The following OR10A2 variants were observed in gnomAD, a reference collection of about 807,000 sequenced individuals.
The protein encoded by OR10A2 is olfactory receptor family 10 subfamily A member 2.
In OR10A2, 15 loss-of-function variants were observed where a neutral mutation model predicts 13.7. The observed-to-expected ratio is 1.10, with a 90% confidence interval of 0.73 to 1.69. OR10A2 has a LOEUF of 1.69. Among genes scored for constraint, OR10A2 ranks in the 40% most tolerant of loss-of-function variants. The pLI, the probability that OR10A2 is intolerant of heterozygous loss-of-function variation, is 0.00. For missense variants in OR10A2, 343 were observed against 361.1 expected (o/e 0.95, Z 0.41); for synonymous variants, 145 against 144.7 (o/e 1.00, Z -0.02).
In OR10A2 at chr11:6,874,605, A is replaced by G. The variant is rs182857894; in HGVS notation, c.*3939A>G. 3 of 152,194 alleles carry G rather than the reference A, an allele frequency of 2.0e-5. No individual in the cohort carries two copies. The highest frequency in any genetic ancestry group is 4.4e-5 in the Non-Finnish European group (3 of 68,028). The allele number at this position is 152,194 out of a possible 1,614,324, so 9.4% of individuals were successfully genotyped here. A position where few individuals can be genotyped will look rare whatever the true frequency, so the allele number is the denominator to read the frequency against. ...TTGGACTCAGCCACCCAGGATTCCA[A>G]CACTTGCTGAAAAAACTACTCAACT... is the stretch of plus-strand genomic sequence containing the variant. On this transcript the variant is annotated 3_prime_UTR_variant, in exon 2 of 2. Transcript: ENST00000641461.
chr11:6,868,771 T>C (rs1338096971), intron 1 of OR10A2, among the ~76,000 whole-genome samples: 1 of 152,166 alleles, frequency 6.6e-6, no homozygotes, highest in African/African-American at 2.4e-5. Flanking sequence ...TCACCATTTC[T>C]CCACTAGACT....
At chr11:6,868,577 G>A (rs768582565) in intron 1 of OR10A2, among the ~76,000 whole-genome samples, 1 of 152,124 alleles carries the variant, frequency 6.6e-6, no homozygotes, top group Non-Finnish European at 1.5e-5. Context: ...GTCTATTAAT[G>A]TAATATATCC....
rs1848425103 is a variant in OR10A2, at chr11:6,870,740, T to C, written c.*74T>C. The C allele has an allele frequency of 8.4e-7, 1 of 1,185,024 alleles. No individual in the cohort carries two copies. The highest frequency in any genetic ancestry group is 1.2e-6 in the Non-Finnish European group (1 of 836,966). 73.4% of individuals were successfully genotyped at this position (1,185,024 alleles called of 1,614,324 possible). On this transcript the variant is annotated 3_prime_UTR_variant, in exon 2 of 2. Transcript: ENST00000641461. ...CAGATTTGAGATTCCTCTCTGCATC[T>C]TTCCACATCTCCAATAAGATGAAGT...
At chr11:6,867,863 C>T (rs59483814) in intron 1 of OR10A2, among the ~76,000 whole-genome samples, 49,415 of 152,012 alleles carry the variant, frequency 0.33, 8,562 homozygotes, top group South Asian at 0.41. Context: ...GATCCTCCCA[C>T]CTCAGCCTCC....
Position 6,869,809 on chromosome 11 carries a change from C to T in OR10A2, c.55C>T (p.Leu19=). The change falls in exon 2 of 2, where the codon CTA becomes TTA. Residue 19 remains leucine (L), a synonymous_variant. Transcript: ENST00000641461. ...ACAGTCATTACTCTTTCTGACATTT[C>T]TAACCATCTACCTGGTCACCCTGAT... The part of the protein sequence containing the change: ...EIQSLLFLTF[L]TIYLVTLMGN... 1 of 1,614,156 alleles carries T rather than the reference C, an allele frequency of 6.2e-7. No individual in the cohort carries two copies. Among genetic ancestry groups the T allele is most frequent in the Non-Finnish European group, 8.5e-7 (1 of 1,179,986 alleles).
In OR10A2 at chr11:6,870,522, G is replaced by A. The variant is rs1237801833; in HGVS notation, c.768G>A (p.Glu256=). 9 of 1,613,958 alleles carry A rather than the reference G, an allele frequency of 5.6e-6. No homozygotes were observed. The highest frequency in any genetic ancestry group is 1.7e-5 in the Admixed American group (1 of 60,002). The change falls in exon 2 of 2, where the codon GAG becomes GAA. Residue 256 remains glutamate (E), a synonymous_variant. Transcript: ENST00000641461. ...GGCCTAAATCAAATAATTCACCTGA[G>A]GGCAAGAAGCTGCTATCATTGTCCT... ...YFRPKSNNSP[E]GKKLLSLSYT...
In OR10A2 at chr11:6,870,194, C is replaced by G. The variant is rs373141820; in HGVS notation, c.440C>G (p.Thr147Ser). 3.7e-6 allele frequency: 6 copies of G among 1,614,130 alleles called. No homozygotes were observed. The African/African-American group carries it at 8.0e-5, about 22-fold the overall frequency. ...GGCTTTCCTGTAGCTACTGTGCAGA[C>G]CACATGGCTCTTCAGTTTTCCATTC... Reference protein sequence around the residue: ...FPGFPVATVQTTWLFSFPFCG... With the variant: ...FPGFPVATVQSTWLFSFPFCG... The change falls in exon 2 of 2, where the codon ACC becomes AGC. Residue 147 changes from threonine to serine, a missense_variant. Transcript: ENST00000641461.
intron 1 of OR10A2, among the ~76,000 whole-genome samples, chr11:6,866,809 G>A (rs773490906): frequency 2.0e-5 from 3 of 151,856 alleles, no homozygotes; most frequent in Non-Finnish European, 2.9e-5. Flanking sequence ...AAACATGTTT[G>A]TGTGAATATA....
intron 1 of OR10A2, among the ~76,000 whole-genome samples, chr11:6,866,752 A>C (rs1204729197): frequency 6.6e-6 from 1 of 152,068 alleles, no homozygotes; most frequent in Non-Finnish European, 1.5e-5. Context: ...ACTTATCAGA[A>C]CTTTTCTCTA....
chr11:6,869,557 T>C (rs1481902037), intron 1 of OR10A2, 66 bp from the exon 2 acceptor site: 2 of 610,960 alleles, frequency 3.3e-6, no homozygotes, highest in Non-Finnish European at 5.8e-6. Context: ...TTATTGTGTT[T>C]TATTCTTAGA....
In OR10A2 at chr11:6,871,083, C is replaced by T. The variant is rs1323967674; in HGVS notation, c.*417C>T. 4 of 154,030 alleles carry T rather than the reference C, an allele frequency of 2.6e-5. No individual in the cohort carries two copies. The highest frequency in any genetic ancestry group is 7.3e-5 in the African/African-American group (3 of 41,312). The allele number at this position is 154,030 out of a possible 1,614,324, so 9.5% of individuals were successfully genotyped here. On this transcript the variant is annotated 3_prime_UTR_variant, in exon 2 of 2. Transcript: ENST00000641461. ...GCCTCAGCCTCCCAAGTAGCTGGGA[C>T]TACAGGTGCCCGCCACCATGCCCGG... is the stretch of plus-strand genomic sequence containing the variant.
At chr11:6,868,505 A>G (rs1406116248) in intron 1 of OR10A2, among the ~76,000 whole-genome samples, 2 of 152,170 alleles carry the variant, frequency 1.3e-5, no homozygotes, top group Admixed American at 1.3e-4. Flanking sequence ...TGCAGCTTCA[A>G]ATATTCAGGT....
intron 1 of OR10A2, among the ~76,000 whole-genome samples, chr11:6,863,552 G>C (rs1294854300): frequency 6.6e-6 from 1 of 151,872 alleles, no homozygotes; most frequent in Non-Finnish European, 1.5e-5. Context: ...TAAGAAAAGT[G>C]AGATCTGGGC....
At chr11:6,864,550 A>G (rs113756170) in intron 1 of OR10A2, among the ~76,000 whole-genome samples, 183 of 152,298 alleles carry the variant, frequency 1.2e-3, no homozygotes, top group African/African-American at 4.2e-3. Flanking sequence ...ATAATTAAAA[A>G]CATTTTTAAA....
At chr11:6,868,230 G>C (rs1425461758) in intron 1 of OR10A2, among the ~76,000 whole-genome samples, 1 of 152,048 alleles carries the variant, frequency 6.6e-6, no homozygotes, top group African/African-American at 2.4e-5. Context: ...TTATAAGAAT[G>C]GTGTTTTTTC....
chr11:6,869,576 G>A (rs1316431061), intron 1 of OR10A2, 47 bp from the exon 2 acceptor site: 6 of 649,502 alleles, frequency 9.2e-6, no homozygotes, highest in Non-Finnish European at 1.6e-5. Flanking sequence ...GACAACCCAA[G>A]GCACTTCCTC....
rs1294043898 is a variant in OR10A2, at chr11:6,869,736, A to T, written c.-19A>T. 3 of 1,606,236 alleles carry T rather than the reference A, an allele frequency of 1.9e-6. No individual in the cohort carries two copies. In the South Asian group the frequency reaches 3.3e-5, roughly 18 times the overall value. ...TTATAGCTACAGGAAACTGGACAAG[A>T]ATAAGTGAGTTTATCCTCATGAGCT... On this transcript the variant is annotated 5_prime_UTR_variant, in exon 2 of 2. Transcript: ENST00000641461.
chr11:6,870,850 A>C lies in OR10A2; in HGVS notation c.*184A>C. ...TCGACCTAGCACCACCAACTATGAA[A>C]ACTCCTCTGCCTGCCCATTGTAGAC... On this transcript the variant is annotated 3_prime_UTR_variant, in exon 2 of 2. Coordinates refer to ENST00000641461, the MANE Select transcript of OR10A2 (RefSeq NM_001004460.2). 1 of 505,936 alleles carries C rather than the reference A, an allele frequency of 2.0e-6. No individual in the cohort carries two copies. 31.3% of individuals were successfully genotyped at this position (505,936 alleles called of 1,614,324 possible). A position where few individuals can be genotyped will look rare whatever the true frequency, so the allele number is the denominator to read the frequency against.
rs1848446201 is a variant in OR10A2 at position 6,872,686 on chromosome 11, C to G, written c.*2020C>G. On this transcript the variant is annotated 3_prime_UTR_variant, in exon 2 of 2. Coordinates refer to ENST00000641461, the MANE Select transcript of OR10A2 (RefSeq NM_001004460.2). Reference sequence around the variant, plus strand: ...TTTTTTTAGTAGAGACGAGGTCTTGCTATGCTACCCAGTCTGGTATCGAAC... The same window carrying G: ...TTTTTTTAGTAGAGACGAGGTCTTGGTATGCTACCCAGTCTGGTATCGAAC... The G allele has an allele frequency of 6.6e-6, 1 of 152,138 alleles. No homozygotes were observed. 9.4% of individuals were successfully genotyped at this position (152,138 alleles called of 1,614,324 possible). A position where few individuals can be genotyped will look rare whatever the true frequency, so the allele number is the denominator to read the frequency against.
Sources: gnomAD v4.1 joint callset for allele counts (sites outside exome capture counted in the v4.1 genomes callset) on GRCh38, gnomAD v4.1.1 for gene constraint, MANE v1.5 for transcripts, NCBI Gene and HGNC (gene_info 2026-07-23, HGNC 2026-07-21) for gene names.